Variants in PCSK5 observed in about 807,000 individuals in gnomAD.
PCSK5 encodes proprotein convertase subtilisin/kexin type 5, also known as prohormone convertase 5.
Under a neutral mutation model 233.2 loss-of-function variants are expected in PCSK5, and 129 were observed. That is an observed-to-expected ratio of 0.55 (90% CI 0.48 to 0.64). PCSK5 has a LOEUF of 0.64. Ranked by LOEUF, PCSK5 falls within the 30% of genes least tolerant of loss-of-function variation. PCSK5 has a pLI of 0.00. For missense variants in PCSK5, 2,076 were observed against 2,430.1 expected, an observed-to-expected ratio of 0.85 and a Z score of 3.06; for synonymous variants, 825 against 879.2, an observed-to-expected ratio of 0.94 and a Z score of 1.09.
intron 24 of PCSK5, among the ~76,000 whole-genome samples, chr9:76,286,204 T>C (rs903020971): frequency 6.6e-6 from 1 of 152,220 alleles, no homozygotes; most frequent in Non-Finnish European, 1.5e-5. Context: ...TGCTGTATAT[T>C]GCAATTCACC....
In PCSK5 at chr9:75,905,454, G is replaced by A. The variant is rs960512816; in HGVS notation, c.192+14081G>A. ...AGGGCTTGAGCCCAAGAATTTTGAG[G>A]ATGCAGTAAGCGTAATGGTGCCACT... is the stretch of plus-strand genomic sequence containing the variant. On this transcript the variant is annotated intron_variant, in intron 1 of 37. Transcript: ENST00000674117. Among the ~76,000 whole-genome samples the A allele has an allele frequency of 2.6e-5, 4 of 152,350 alleles. No homozygotes were observed. In the South Asian group the frequency reaches 8.3e-4, roughly 32 times the overall value.
At chr9:76,292,200 T>G in intron 24 of PCSK5, 33 bp from the exon 25 acceptor site, 1 of 1,321,118 alleles carries the variant, frequency 7.6e-7, no homozygotes, top group Non-Finnish European at 1.1e-6. Context: ...GAATTCCTCA[T>G]GATTATTACT....
chr9:75,986,846 C>T (rs990956811), intron 3 of PCSK5, among the ~76,000 whole-genome samples: 25 of 152,150 alleles, frequency 1.6e-4, no homozygotes, highest in African/African-American at 5.5e-4. Context: ...GAGTAATCCA[C>T]CAGTTTACTT....
At chr9:76,291,585 T>C (rs1220317006) in intron 24 of PCSK5, among the ~76,000 whole-genome samples, 1 of 152,064 alleles carries the variant, frequency 6.6e-6, no homozygotes, top group African/African-American at 2.4e-5. Context: ...GGGAGAGAAA[T>C]AGGCTGAGAT....
At position 76,295,514 on chromosome 9, in the gene PCSK5, G is replaced by A. The variant is rs751249734; in HGVS notation, c.3322+103G>A. Reference sequence around the variant, plus strand: ...ATGTGATTGGTTTCAGAGTCTGTGCGTGTGGGCACCTCTGGCCCAAGGAGA... The same window carrying A: ...ATGTGATTGGTTTCAGAGTCTGTGCATGTGGGCACCTCTGGCCCAAGGAGA... On this transcript the variant is annotated intron_variant, in intron 26 of 37. Coordinates refer to ENST00000674117, the MANE Select transcript of PCSK5 (RefSeq NM_001372043.1). The A allele has an allele frequency of 2.6e-5, 27 of 1,020,542 alleles. 1 individual carries two copies. The highest frequency in any genetic ancestry group is 2.5e-4 in the South Asian group (16 of 62,792). 63.2% of individuals were successfully genotyped at this position (1,020,542 alleles called of 1,614,324 possible).
At chr9:76,079,693 G>A (rs1318486998) in intron 7 of PCSK5, among the ~76,000 whole-genome samples, 1 of 152,152 alleles carries the variant, frequency 6.6e-6, no homozygotes, top group African/African-American at 2.4e-5. Context: ...AGGACTTCCA[G>A]TACTGTGTTG....
chr9:75,949,455 C>T (rs1309416687), intron 2 of PCSK5, among the ~76,000 whole-genome samples: 3 of 152,182 alleles, frequency 2.0e-5, no homozygotes, highest in African/African-American at 7.2e-5. Flanking sequence ...CATAAAGGAA[C>T]ATGGATTGTG....
At chr9:76,000,292 G>C (rs768035724) in intron 3 of PCSK5, among the ~76,000 whole-genome samples, 2 of 152,134 alleles carry the variant, frequency 1.3e-5, no homozygotes, top group Admixed American at 6.5e-5. Flanking sequence ...TAAATTGGTA[G>C]GTAGTAAGAG....
At chr9:76,061,165 A>G (rs1830015249) in intron 5 of PCSK5, among the ~76,000 whole-genome samples, 1 of 152,198 alleles carries the variant, frequency 6.6e-6, no homozygotes, top group African/African-American at 2.4e-5. Flanking sequence ...AACCAACAGT[A>G]TAATAAATAA....
intron 7 of PCSK5, among the ~76,000 whole-genome samples, chr9:76,083,612 C>T (rs991894536): frequency 6.6e-5 from 10 of 152,192 alleles, no homozygotes; most frequent in African/African-American, 1.7e-4. Context: ...CATCCATTGG[C>T]GTATGTCTGT....
At chr9:75,984,012 A>G (rs1826392817) in intron 2 of PCSK5, among the ~76,000 whole-genome samples, 2 of 152,176 alleles carry the variant, frequency 1.3e-5, no homozygotes, top group Non-Finnish European at 2.9e-5. Context: ...TTTCTTAAGT[A>G]TTGCAGCCCT....
intron 20 of PCSK5, among the ~76,000 whole-genome samples, chr9:76,216,133 A>G (rs536225980): frequency 6.6e-6 from 1 of 151,688 alleles, no homozygotes; most frequent in South Asian, 2.1e-4. Flanking sequence ...CCTCTACATG[A>G]CTCCGCAGGA....
At chr9:76,229,061 C>A (rs10869740) in intron 21 of PCSK5, among the ~76,000 whole-genome samples, 1 of 151,948 alleles carries the variant, frequency 6.6e-6, no homozygotes, top group South Asian at 2.1e-4. Flanking sequence ...GGAGAAAGGA[C>A]CGAAGAAGAC....
At chr9:76,336,930 AT>A (rs1396759055) in intron 34 of PCSK5, among the ~76,000 whole-genome samples, 3 of 152,090 alleles carry the variant, frequency 2.0e-5, no homozygotes, top group African/African-American at 7.2e-5. Context: ...CTAGTGTCTC[AT>A]TTGTAGGTTC....
intron 20 of PCSK5, among the ~76,000 whole-genome samples, chr9:76,200,039 GT>G (rs1420359452): frequency 2.6e-5 from 4 of 152,126 alleles, no homozygotes; most frequent in African/African-American, 9.6e-5. Flanking sequence ...AACCACCATT[GT>G]TGCCATCCCA....
Position 75,891,931 on chromosome 9 carries a change from G to A in PCSK5, c.192+558G>A, listed in dbSNP as rs1177843354. Among the ~76,000 whole-genome samples the A allele has an allele frequency of 3.3e-5, 5 of 152,184 alleles. No homozygotes were observed. In the East Asian group the frequency reaches 9.7e-4, roughly 30 times the overall value. On this transcript the variant is annotated intron_variant, in intron 1 of 37. Transcript: ENST00000674117. ...ACTGGAGCTGGAAGGGAGGAGAAAG[G>A]AGGGGGAGGGAAGAGGGGGCCGGCC...
intron 7 of PCSK5, among the ~76,000 whole-genome samples, chr9:76,091,344 C>A (rs1245941023): frequency 6.6e-6 from 1 of 151,954 alleles, no homozygotes; most frequent in Non-Finnish European, 1.5e-5. Flanking sequence ...AGCGAGCGAG[C>A]TAGAGAGATC....
rs983835682 is a variant in PCSK5 at position 76,233,536 on chromosome 9, C to T, written c.2806C>T (p.His936Tyr). 1.2e-6 allele frequency: 2 copies of T among 1,612,422 alleles called. No homozygotes were observed. Among genetic ancestry groups the T allele is most frequent in the Non-Finnish European group, 1.7e-6 (2 of 1,179,686 alleles). Residue 936 changes from histidine (H) to tyrosine (Y), a missense_variant, in exon 22 of 38, where the codon CAC (histidine) becomes TAC (tyrosine). His to Tyr is a moderately conservative substitution (Grantham distance 83). Transcript: ENST00000674117. ...ATTTGAGAACCAATGCCATCCATGC[C>T]ACCACACCTGCCAGAGATGCCAAGG... is the stretch of plus-strand genomic sequence containing the variant. ...FEFENQCHPC[H>Y]HTCQRCQGSG...
intron 20 of PCSK5, 113 bp downstream of exon 20, chr9:76,189,859 T>G: frequency 1.7e-6 from 1 of 603,274 alleles, no homozygotes; most frequent in South Asian, 2.2e-5. Flanking sequence ...AGATATGACA[T>G]GCTCAATATT....
Sources: gnomAD v4.1 joint callset for allele counts (sites outside exome capture counted in the v4.1 genomes callset) on GRCh38, gnomAD v4.1.1 for gene constraint, MANE v1.5 for transcripts, NCBI Gene and HGNC (gene_info 2026-07-23, HGNC 2026-07-21) for gene names.